The following FGF10 variants were observed in gnomAD, a reference collection of about 807,000 sequenced individuals.
FGF10 encodes fibroblast growth factor 10.
A neutral mutation model predicts 19.8 loss-of-function variants in FGF10; 2 were observed. The ratio of observed to expected loss-of-function variants is 0.10; its 90% CI spans 0.04 to 0.32. The LOEUF (loss-of-function observed/expected upper bound fraction) is 0.32, where lower values mean the gene tolerates loss of function less well. Among genes scored for constraint, FGF10 ranks in the 10% least tolerant of loss-of-function variants. The pLI is 1.00. For missense variants in FGF10, 191 were observed against 246.3 expected, an observed-to-expected ratio of 0.78 and a Z score of 1.50; for synonymous variants, 112 against 94.0, an observed-to-expected ratio of 1.19 and a Z score of -1.10.
Position 44,310,260 on chromosome 5 carries a change from T to C in FGF10, c.429+167A>G, listed in dbSNP as rs1455287125. Among the ~76,000 whole-genome samples, 3 of 152,096 alleles carry C rather than the reference T, an allele frequency of 2.0e-5. No individual in the cohort carries two copies. In the East Asian group the frequency reaches 5.8e-4, roughly 29 times the overall value. On this transcript the variant is annotated intron_variant, in intron 2 of 2. Transcript: ENST00000264664. ...TGAACAACAGAGGAGATTACAGAAT[T>C]GGAAGAGCTGCTTTGCCAGCCCTTG... is the stretch of plus-strand genomic sequence containing the variant.
At position 44,302,302 on chromosome 5, in the gene FGF10, C is replaced by G. The variant is rs183646451; in HGVS notation, c.*2693G>C. On this transcript the variant is annotated 3_prime_UTR_variant, in exon 3 of 3. Transcript: ENST00000264664. ...TCCTTGCTTCCTTCCTTCCTTCCTT[C>G]CTTCCTTCCTTCCTTCCTTCCTTCC... Among the ~76,000 whole-genome samples, 3 of 146,208 alleles carry G rather than the reference C, an allele frequency of 2.1e-5. No homozygotes were observed. The highest frequency in any genetic ancestry group is 7.7e-5 in the African/African-American group (3 of 39,212).
intron 1 of FGF10, among the ~76,000 whole-genome samples, chr5:44,356,495 T>C (rs1338451571): frequency 2.6e-5 from 4 of 151,546 alleles, no homozygotes; most frequent in Admixed American, 1.3e-4. Context: ...GACAATTTCA[T>C]CTTGTCTTCT....
At chr5:44,340,926 C>A (rs540745691) in intron 1 of FGF10, among the ~76,000 whole-genome samples, 1 of 151,404 alleles carries the variant, frequency 6.6e-6, no homozygotes, top group Non-Finnish European at 1.5e-5. Context: ...GAAAGAAAAA[C>A]CATGTCCATG....
At chr5:44,379,194 T>G (rs1375137131) in intron 1 of FGF10, among the ~76,000 whole-genome samples, 1 of 152,232 alleles carries the variant, frequency 6.6e-6, no homozygotes, top group African/African-American at 2.4e-5. Flanking sequence ...AACACTCACT[T>G]CAATTTTTCA....
rs180849042 is a variant in FGF10, at chr5:44,329,791, G to A, written c.326-19261C>T. ...GCTAAAGCTCCCAACCCTTAAGCAC[G>A]GGTAATTGGCAAGACCTTGTTCCAG... On this transcript the variant is annotated intron_variant, in intron 1 of 2. Coordinates refer to ENST00000264664, the MANE Select transcript of FGF10 (RefSeq NM_004465.2). Among the ~76,000 whole-genome samples the A allele has an allele frequency of 2.6e-5, 4 of 152,198 alleles. No individual in the cohort carries two copies. The East Asian group carries it at 5.8e-4, about 22-fold the overall frequency.
intron 1 of FGF10, among the ~76,000 whole-genome samples, chr5:44,325,391 A>C (rs1174153865): frequency 2.0e-5 from 3 of 152,146 alleles, no homozygotes; most frequent in Non-Finnish European, 4.4e-5. Flanking sequence ...CTGGGTATAT[A>C]CCCAAAGGAT....
At chr5:44,311,531 C>A (rs1453463800) in intron 1 of FGF10, among the ~76,000 whole-genome samples, 3 of 152,000 alleles carry the variant, frequency 2.0e-5, no homozygotes, top group Non-Finnish European at 2.9e-5. Flanking sequence ...CTGAAGTGTC[C>A]CATGACTCAA....
chr5:44,367,609 A>G (rs1051669411), intron 1 of FGF10, among the ~76,000 whole-genome samples: 23 of 152,184 alleles, frequency 1.5e-4, no homozygotes, highest in Non-Finnish European at 2.8e-4. Flanking sequence ...TTTTCCCATC[A>G]GTACAATAGG....
At chr5:44,376,509 A>AAAAC (rs1561219492) in intron 1 of FGF10, among the ~76,000 whole-genome samples, 14 of 141,858 alleles carry the variant, frequency 9.9e-5, no homozygotes, top group Non-Finnish European at 1.7e-4. Flanking sequence ...AAAAAAAAAA[A>AAAAC]AAAAAAAACA....
intron 2 of FGF10, among the ~76,000 whole-genome samples, chr5:44,305,724 A>AG (rs931175610): frequency 1.2e-4 from 18 of 152,092 alleles, no homozygotes; most frequent in African/African-American, 3.6e-4. Context: ...CATAACCAAA[A>AG]GGGGGGGATG....
chr5:44,353,768 G>A (rs1205372558), intron 1 of FGF10, among the ~76,000 whole-genome samples: 2 of 151,260 alleles, frequency 1.3e-5, no homozygotes, highest in African/African-American at 4.8e-5. Context: ...TCAATGGGAA[G>A]AGAAAACTCA....
chr5:44,321,503 T>C (rs1579903111), intron 1 of FGF10, among the ~76,000 whole-genome samples: 1 of 152,232 alleles, frequency 6.6e-6, no homozygotes, highest in Non-Finnish European at 1.5e-5. Context: ...GGTCATTTTG[T>C]GTCAGTATAT....
intron 1 of FGF10, among the ~76,000 whole-genome samples, chr5:44,346,331 T>C (rs1273671176): frequency 6.6e-6 from 1 of 151,772 alleles, no homozygotes; most frequent in Non-Finnish European, 1.5e-5. Context: ...GTCCCCAAAA[T>C]AAAGTGAATT....
intron 1 of FGF10, among the ~76,000 whole-genome samples, chr5:44,337,672 T>C (rs1178762413): frequency 6.6e-6 from 1 of 152,202 alleles, no homozygotes; most frequent in Non-Finnish European, 1.5e-5. Flanking sequence ...CCCAGCGTGG[T>C]GGCTCACGCC....
At chr5:44,352,105 A>G (rs1268880876) in intron 1 of FGF10, among the ~76,000 whole-genome samples, 2 of 151,630 alleles carry the variant, frequency 1.3e-5, no homozygotes, top group African/African-American at 4.8e-5. Flanking sequence ...ATGAAAGAGG[A>G]GCACATTTGG....
intron 1 of FGF10, among the ~76,000 whole-genome samples, chr5:44,351,273 T>C (rs1741226916): frequency 6.6e-6 from 1 of 151,542 alleles, no homozygotes; most frequent in Non-Finnish European, 1.5e-5. Context: ...TATAAATAAG[T>C]GGTTTGATTT....
chr5:44,386,011 A>G (rs1742089233), intron 1 of FGF10, among the ~76,000 whole-genome samples: 1 of 152,152 alleles, frequency 6.6e-6, no homozygotes, highest in African/African-American at 2.4e-5. Context: ...TTGCATTACC[A>G]TATAAGATAT....
chr5:44,350,235 A>G (rs1741201218), intron 1 of FGF10, among the ~76,000 whole-genome samples: 1 of 150,852 alleles, frequency 6.6e-6, no homozygotes, highest in Non-Finnish European at 1.5e-5. Context: ...AGATATAACT[A>G]GAAGTCAGAA....
chr5:44,314,055 C>T (rs1054866561), intron 1 of FGF10, among the ~76,000 whole-genome samples: 11 of 151,920 alleles, frequency 7.2e-5, no homozygotes, highest in Non-Finnish European at 1.0e-4. Context: ...TGGGGTTCCA[C>T]GATCAAATTA....
Sources: allele counts gnomAD v4.1 joint callset (sites outside exome capture counted in the v4.1 genomes callset), GRCh38; gene constraint gnomAD v4.1.1; transcripts MANE v1.5; gene names NCBI Gene and HGNC (gene_info 2026-07-23, HGNC 2026-07-21).